Variants in CTNNA3 observed in about 807,000 individuals in gnomAD.
CTNNA3 encodes catenin alpha 3.
In CTNNA3, 76 loss-of-function variants were observed where a neutral mutation model predicts 95.7. That is an observed-to-expected ratio of 0.79 (90% CI 0.66 to 0.96). The LOEUF (loss-of-function observed/expected upper bound fraction) is 0.96. Among genes scored for constraint, CTNNA3 ranks in the 40% least tolerant of loss-of-function variants. The probability of loss-of-function intolerance (pLI) is 0.00; values close to 1 mark genes in which losing one functional copy is unlikely to be tolerated. For synonymous variants in CTNNA3, 431 were observed against 374.4 expected (o/e 1.15, Z -1.74); for missense variants, 1,191 against 1,089.8 (o/e 1.09, Z -1.31).
At chr10:66,825,281 A>T (rs191354080) in intron 7 of CTNNA3, among the ~76,000 whole-genome samples, 17,048 of 134,684 alleles carry the variant, frequency 0.13, 1,093 homozygotes, top group Middle Eastern at 0.17. Context: ...ATATATATAT[A>T]TATTTTTTTT....
At chr10:67,671,638 C>T (rs1392312822) in intron 1 of CTNNA3, among the ~76,000 whole-genome samples, 1 of 151,540 alleles carries the variant, frequency 6.6e-6, no homozygotes, top group Admixed American at 6.6e-5. Flanking sequence ...CGATAGTTTG[C>T]TGAGAATGAT....
intron 12 of CTNNA3, among the ~76,000 whole-genome samples, chr10:66,358,264 A>G (rs1346957080): frequency 6.6e-6 from 1 of 152,096 alleles, no homozygotes; most frequent in African/African-American, 2.4e-5. Context: ...TGGCCTGAGA[A>G]AGTGTTTTGC....
At chr10:66,916,390 A>C (rs979948401) in intron 7 of CTNNA3, among the ~76,000 whole-genome samples, 16 of 152,230 alleles carry the variant, frequency 1.1e-4, no homozygotes. Context: ...AGAATTAAAC[A>C]GTAGCTAAAA....
chr10:66,211,757 G>A (rs895826257), intron 13 of CTNNA3, among the ~76,000 whole-genome samples: 1 of 152,118 alleles, frequency 6.6e-6, no homozygotes, highest in African/African-American at 2.4e-5. Flanking sequence ...GTTTACTGTG[G>A]GAGTCCACGA....
At chr10:66,924,226 T>A (rs1382584891) in intron 7 of CTNNA3, among the ~76,000 whole-genome samples, 2 of 152,182 alleles carry the variant, frequency 1.3e-5, no homozygotes, top group African/African-American at 4.8e-5. Context: ...CACTGCCCTA[T>A]TAAGAACATA....
At chr10:66,125,620 T>C (rs1370777644) in intron 13 of CTNNA3, among the ~76,000 whole-genome samples, 2 of 152,234 alleles carry the variant, frequency 1.3e-5, no homozygotes, top group African/African-American at 4.8e-5. Context: ...TGCAGCATCA[T>C]TTAAAAGACA....
rs1839603553 is a variant in CTNNA3 at position 67,510,860 on chromosome 10, T to C, written c.579+10982A>G. Among the ~76,000 whole-genome samples, 4 of 152,186 alleles carry C rather than the reference T, an allele frequency of 2.6e-5. No individual in the cohort carries two copies. In the South Asian group the frequency reaches 8.3e-4, roughly 32 times the overall value. On this transcript the variant is annotated intron_variant, in intron 5 of 17. Transcript: ENST00000433211. ...GTTCTTCCATTTGTTTGTGTCCTCT[T>C]ATTTCCTTGAGCAGTGGTTTGTAGT...
intron 7 of CTNNA3, among the ~76,000 whole-genome samples, chr10:66,979,882 A>G (rs1388705522): frequency 6.6e-6 from 1 of 152,204 alleles, no homozygotes; most frequent in Non-Finnish European, 1.5e-5. Flanking sequence ...AAAACAAAAT[A>G]GAAAAAGCCT....
chr10:66,541,466 T>C (rs749955863), intron 10 of CTNNA3, among the ~76,000 whole-genome samples: 9 of 152,164 alleles, frequency 5.9e-5, no homozygotes, highest in Non-Finnish European at 1.3e-4. Flanking sequence ...CTTCCATATA[T>C]GATTAAAATC....
intron 16 of CTNNA3, among the ~76,000 whole-genome samples, chr10:65,983,780 C>T (rs1450300686): frequency 6.6e-6 from 1 of 151,282 alleles, no homozygotes; most frequent in Non-Finnish European, 1.5e-5. Context: ...GGTTTTAGTT[C>T]TTCTCTTTCT....
At chr10:67,287,404 C>T (rs1203754247) in intron 5 of CTNNA3, among the ~76,000 whole-genome samples, 1 of 152,120 alleles carries the variant, frequency 6.6e-6, no homozygotes, top group Non-Finnish European at 1.5e-5. Flanking sequence ...CCATTCCAGA[C>T]TAGTCAATGG....
chr10:66,466,722 T>C (rs1838933190), intron 11 of CTNNA3, among the ~76,000 whole-genome samples: 1 of 152,084 alleles, frequency 6.6e-6, no homozygotes, highest in Non-Finnish European at 1.5e-5. Flanking sequence ...GCTAGTAGCA[T>C]TGACATGGCC....
At chr10:67,313,229 G>A (rs1174996805) in intron 5 of CTNNA3, among the ~76,000 whole-genome samples, 1 of 152,020 alleles carries the variant, frequency 6.6e-6, no homozygotes, top group Non-Finnish European at 1.5e-5. Flanking sequence ...GAGGTCAGGA[G>A]ATCAAGACCA....
intron 5 of CTNNA3, among the ~76,000 whole-genome samples, chr10:67,503,997 A>C (rs1369748953): frequency 6.8e-6 from 1 of 147,758 alleles, no homozygotes; most frequent in Non-Finnish European, 1.5e-5. Context: ...CTCTACTAAA[A>C]ATACAAAAAA....
chr10:66,271,629 C>G (rs553792787), intron 13 of CTNNA3, among the ~76,000 whole-genome samples: 1 of 152,288 alleles, frequency 6.6e-6, no homozygotes, highest in East Asian at 1.9e-4. Context: ...CCCTGAACAC[C>G]TGGAGATGTT....
intron 13 of CTNNA3, among the ~76,000 whole-genome samples, chr10:66,187,028 C>G (rs2086381727): frequency 6.6e-6 from 1 of 152,174 alleles, no homozygotes; most frequent in African/African-American, 2.4e-5. Context: ...GTTCAACGAT[C>G]ATAGTAAAAA....
At chr10:67,750,090 G>A (rs1344256313) in intron 1 of CTNNA3, among the ~76,000 whole-genome samples, 1 of 152,056 alleles carries the variant, frequency 6.6e-6, no homozygotes, top group African/African-American at 2.4e-5. Context: ...CCCGCCAGAA[G>A]GAAGAAACTC....
At chr10:65,996,290 C>A (rs2078657523) in intron 15 of CTNNA3, among the ~76,000 whole-genome samples, 1 of 152,132 alleles carries the variant, frequency 6.6e-6, no homozygotes, top group Admixed American at 6.5e-5. Flanking sequence ...TTCTGGGGAG[C>A]ACATGCTTTG....
At chr10:67,566,072 T>TATATATATATATATATATATATATAC (rs1265158791) in intron 3 of CTNNA3, among the ~76,000 whole-genome samples, 9 of 102,148 alleles carry the variant, frequency 8.8e-5, no homozygotes, top group South Asian at 7.7e-4. Context: ...TATATATATA[T>TATATATATATATATATATATATATAC]ACAAAACCTA....
Sources: gnomAD v4.1 joint callset for allele counts (sites outside exome capture counted in the v4.1 genomes callset) on GRCh38, gnomAD v4.1.1 for gene constraint, MANE v1.5 for transcripts, NCBI Gene and HGNC (gene_info 2026-07-23, HGNC 2026-07-21) for gene names.